SPATS2: variants seen among roughly 807,000 people sequenced by gnomAD.
SPATS2 encodes spermatogenesis-associated serine-rich protein 2.
In SPATS2, 38 loss-of-function variants were observed where a neutral mutation model predicts 63.7. The observed-to-expected ratio is 0.60, with a 90% CI of 0.46 to 0.78. The LOEUF (loss-of-function observed/expected upper bound fraction) is 0.78, where lower values mean the gene tolerates loss of function less well. Ranked by LOEUF, SPATS2 falls within the 30% of genes least tolerant of loss-of-function variation. The probability of loss-of-function intolerance (pLI) is 0.00; values close to 1 mark genes in which losing one functional copy is unlikely to be tolerated. For missense variants in SPATS2, 588 were observed against 666.2 expected, an observed-to-expected ratio of 0.88 and a Z score of 1.29; for synonymous variants, 207 against 232.9, an observed-to-expected ratio of 0.89 and a Z score of 1.01.
At position 49,500,090 on chromosome 12, in the gene SPATS2, G is replaced by A. The variant is rs759333393; in HGVS notation, c.724G>A (p.Val242Ile). 14 of 1,464,316 alleles carry A rather than the reference G, an allele frequency of 9.6e-6. No individual in the cohort carries two copies. Among genetic ancestry groups the A allele is most frequent in the Non-Finnish European group, 1.3e-5 (14 of 1,108,960 alleles). 90.7% of individuals were successfully genotyped at this position (1,464,316 alleles called of 1,614,324 possible). The stretch of plus-strand genomic sequence containing the variant: ...CCAAGGTTCCAATATTGAAAAATCT[G>A]TAAAAGACCTCCAGCGCTGCACAGT... ...KKLSSNIEKS[V>I]KDLQRCTVSL... Residue 242 changes from valine (V) to isoleucine (I), a missense_variant, in exon 9 of 14, where the codon GTA (valine) becomes ATA (isoleucine). Physicochemically the swap from Val to Ile is conservative, Grantham distance 29 (BLOSUM62 3). Transcript: ENST00000552918.
chr12:49,453,595 T>C (rs1447317583), intron 2 of SPATS2, among the ~76,000 whole-genome samples: 2 of 152,064 alleles, frequency 1.3e-5, no homozygotes, highest in African/African-American at 4.8e-5. Flanking sequence ...GAGGATTGCT[T>C]GAAGCCAAGG....
intron 3 of SPATS2, among the ~76,000 whole-genome samples, chr12:49,483,209 T>G (rs902517655): frequency 7.3e-5 from 11 of 150,800 alleles, no homozygotes; most frequent in African/African-American, 2.7e-4. Flanking sequence ...GTGTTCCCTC[T>G]TTTCCCTAAA....
chr12:49,443,785 A>G (rs955666671), intron 2 of SPATS2, among the ~76,000 whole-genome samples: 1 of 152,162 alleles, frequency 6.6e-6, no homozygotes, highest in South Asian at 2.1e-4. Context: ...GTTGAAAATC[A>G]GTTGTCCATA....
intron 5 of SPATS2, among the ~76,000 whole-genome samples, chr12:49,489,808 G>A (rs1222641053): frequency 6.6e-6 from 1 of 152,136 alleles, no homozygotes; most frequent in Admixed American, 6.5e-5. Flanking sequence ...TTCTCTAATG[G>A]TATTTAAGAG....
intron 9 of SPATS2, among the ~76,000 whole-genome samples, chr12:49,508,473 T>C (rs1295150748): frequency 6.6e-6 from 1 of 152,208 alleles, no homozygotes; most frequent in East Asian, 1.9e-4. Context: ...TGCCTTGGCC[T>C]CCCAAAGTAC....
rs906034217 is a variant in SPATS2 at position 49,450,623 on chromosome 12, A to G, written c.-243-10147A>G. On this transcript the variant is annotated intron_variant, in intron 2 of 13. Coordinates refer to ENST00000552918, the MANE Select transcript of SPATS2 (RefSeq NM_023071.4). The stretch of plus-strand genomic sequence containing the variant: ...CAATGGCGTGATCTTGGCTCACTGC[A>G]ACCTCTGCCTCCCAGGTTCAAGCGA... 2.0e-5 allele frequency among the ~76,000 whole-genome samples: 3 copies of G among 152,046 alleles called. No individual in the cohort carries two copies. The South Asian group carries it at 6.2e-4, about 32-fold the overall frequency.
intron 9 of SPATS2, among the ~76,000 whole-genome samples, chr12:49,506,549 T>A (rs113103171): frequency 0.013 from 2,048 of 152,218 alleles, 40 homozygotes; most frequent in African/African-American, 0.045. Flanking sequence ...CCCTTGACAC[T>A]TGGCGATTAT....
intron 2 of SPATS2, among the ~76,000 whole-genome samples, chr12:49,396,815 G>C (rs1056627203): frequency 6.6e-6 from 1 of 152,192 alleles, no homozygotes; most frequent in African/African-American, 2.4e-5. Flanking sequence ...TACATGGCCT[G>C]TGGCCTAAAC....
intron 9 of SPATS2, among the ~76,000 whole-genome samples, chr12:49,503,461 A>G (rs1376995198): frequency 6.6e-6 from 1 of 151,206 alleles, no homozygotes; most frequent in East Asian, 2.0e-4. Flanking sequence ...CATCCTGGCT[A>G]ACAAGGTGAA....
intron 3 of SPATS2, among the ~76,000 whole-genome samples, chr12:49,478,781 T>C (rs540119473): frequency 6.6e-6 from 1 of 152,110 alleles, no homozygotes; most frequent in Non-Finnish European, 1.5e-5. Context: ...ATCTTTGGAG[T>C]GTCACTTTTC....
chr12:49,418,182 A>G (rs979572350), intron 2 of SPATS2, among the ~76,000 whole-genome samples: 8 of 137,416 alleles, frequency 5.8e-5, no homozygotes, highest in Non-Finnish European at 9.0e-5. Context: ...TGGTGCAATC[A>G]TGGCTCACTG....
At chr12:49,514,761 A>G (rs1034825566) in intron 10 of SPATS2, 148 bp downstream of exon 10, 2 of 605,868 alleles carry the variant, frequency 3.3e-6, no homozygotes, top group Non-Finnish European at 5.4e-6. Context: ...GTACTGGCAT[A>G]TGAATCCTTT....
At position 49,451,357 on chromosome 12, in the gene SPATS2, C is replaced by T. The variant is rs371086320; in HGVS notation, c.-243-9413C>T. Among the ~76,000 whole-genome samples the T allele has an allele frequency of 4.7e-4, 72 of 152,014 alleles. No individual in the cohort carries two copies. The South Asian group carries it at 0.012, about 26-fold the overall frequency. On this transcript the variant is annotated intron_variant, in intron 2 of 13. Coordinates refer to ENST00000552918, the MANE Select transcript of SPATS2 (RefSeq NM_023071.4). ...GTCATTATAATAAGCATCTTATAGCCCAATTTAACTAAATTAATGCTAATT... is the reference window on the plus strand; with the variant it reads ...GTCATTATAATAAGCATCTTATAGCTCAATTTAACTAAATTAATGCTAATT...
chr12:49,448,239 A>G (rs1945551113), intron 2 of SPATS2, among the ~76,000 whole-genome samples: 2 of 147,448 alleles, frequency 1.4e-5, no homozygotes, highest in African/African-American at 2.5e-5. Context: ...CTGGGTTCAC[A>G]CCATTCTCCT....
intron 2 of SPATS2, among the ~76,000 whole-genome samples, chr12:49,374,068 A>G (rs1944049412): frequency 6.6e-6 from 1 of 151,860 alleles, no homozygotes; most frequent in African/African-American, 2.4e-5. Flanking sequence ...CCTAAACAAC[A>G]GAGACCCTGT....
chr12:49,403,421 A>G (rs1045177487), intron 2 of SPATS2, among the ~76,000 whole-genome samples: 1 of 152,092 alleles, frequency 6.6e-6, no homozygotes, highest in African/African-American at 2.4e-5. Context: ...TGAGGTCAGG[A>G]GTTCGAGACC....
At chr12:49,431,709 C>T (rs910427142) in intron 2 of SPATS2, among the ~76,000 whole-genome samples, 2 of 152,136 alleles carry the variant, frequency 1.3e-5, no homozygotes, top group Non-Finnish European at 2.9e-5. Flanking sequence ...TATACATTTG[C>T]AAACAGCCTT....
chr12:49,492,715 T>C (rs1226429626), intron 6 of SPATS2, among the ~76,000 whole-genome samples: 1 of 152,128 alleles, frequency 6.6e-6, no homozygotes, highest in South Asian at 2.1e-4. Context: ...ATTAGTCCAA[T>C]AGGATGTGAC....
intron 2 of SPATS2, among the ~76,000 whole-genome samples, chr12:49,407,997 A>G (rs985115442): frequency 1.1e-4 from 17 of 152,244 alleles, no homozygotes; most frequent in African/African-American, 4.1e-4. Context: ...AGTGTTTGAC[A>G]CAAAGCAGAC....
Sources: gnomAD v4.1 joint callset for allele counts (sites outside exome capture counted in the v4.1 genomes callset) on GRCh38, gnomAD v4.1.1 for gene constraint, MANE v1.5 for transcripts, NCBI Gene and HGNC (gene_info 2026-07-23, HGNC 2026-07-21) for gene names.